CEP170B: variants seen among roughly 807,000 people sequenced by gnomAD.
CEP170B encodes the protein centrosomal protein 170B.
A neutral mutation model predicts 120.6 loss-of-function variants in CEP170B; 55 were observed. That is an observed-to-expected ratio of 0.46 (90% CI 0.37 to 0.57). The LOEUF (loss-of-function observed/expected upper bound fraction) is 0.57, where lower values mean the gene tolerates loss of function less well. Among genes scored for constraint, CEP170B ranks in the 20% least tolerant of loss-of-function variants. The probability of loss-of-function intolerance (pLI) is 0.00; values close to 1 mark genes in which losing one functional copy is unlikely to be tolerated. For synonymous variants in CEP170B, 1,033 were observed against 954.5 expected, an observed-to-expected ratio of 1.08 and a Z score of -1.52; for missense variants, 2,212 against 2,253.3, an observed-to-expected ratio of 0.98 and a Z score of 0.37.
rs540841311 is a variant in CEP170B at position 104,871,760 on chromosome 14, G to A, written c.105+3205G>A. On this transcript the variant is annotated intron_variant, in intron 2 of 18. Coordinates refer to ENST00000414716, the MANE Select transcript of CEP170B (RefSeq NM_001112726.3). ...CGGTGAGGAGGGGGAGGCTGTGGGA[G>A]GACAGAGCTGAGCTGGGGCTACGGG... Among the ~76,000 whole-genome samples the A allele has an allele frequency of 8.5e-5, 13 of 152,352 alleles. No individual in the cohort carries two copies. The East Asian group carries it at 2.5e-3, about 29-fold the overall frequency.
chr14:104,889,711 C>T lies in CEP170B; in HGVS notation c.3831C>T (p.Asp1277=), dbSNP rs1896695707. Residue 1277 remains aspartate, a synonymous_variant, in exon 13 of 19, where the codon GAC becomes GAT. Coordinates refer to ENST00000414716, the MANE Select transcript of CEP170B (RefSeq NM_001112726.3). Reference sequence around the variant, plus strand: ...CGGACGACGATGAGGAGGAGCCTGACCCTTATGGTTTCATCGTGCAGACGG... The same window carrying T: ...CGGACGACGATGAGGAGGAGCCTGATCCTTATGGTTTCATCGTGCAGACGG... ...RDTDDDEEEP[D]PYGFIVQTAE... is the part of the protein sequence containing the mutation. The T allele has an allele frequency of 6.2e-7, 1 of 1,611,196 alleles. No homozygotes were observed. Among genetic ancestry groups the T allele is most frequent in the Non-Finnish European group, 8.5e-7 (1 of 1,178,930 alleles).
chr14:104,894,177 G>T, intron 16 of CEP170B, 108 bp from the exon 17 acceptor site: 1 of 888,266 alleles, frequency 1.1e-6, no homozygotes, highest in Middle Eastern at 2.2e-4. Context: ...AGGCCCAGGT[G>T]GGCTGGGATG....
At chr14:104,872,479 G>GCGTGTGTGCCGTGTGTGTGC (rs375025948) in intron 2 of CEP170B, among the ~76,000 whole-genome samples, 12,587 of 95,558 alleles carry the variant, frequency 0.13, 2,316 homozygotes, top group African/African-American at 0.26. Flanking sequence ...CCGTGTGTGT[G>GCGTGTGTGCCGTGTGTGTGC]CGTGTGTGCC....
At chr14:104,886,174 CG>C (rs1283611642) in intron 11 of CEP170B, 44 bp downstream of exon 11, 1 of 1,490,334 alleles carries the variant, frequency 6.7e-7, no homozygotes, top group Non-Finnish European at 8.9e-7. Context: ...CAGGCCGGGG[CG>C]GGCCTCAGGC....
rs1426478616 is a variant in CEP170B, at chr14:104,870,968, C to T, written c.105+2413C>T. On this transcript the variant is annotated intron_variant, in intron 2 of 18. Coordinates refer to ENST00000414716, the MANE Select transcript of CEP170B (RefSeq NM_001112726.3). This position sits in a 1 kb window ranked among gnomAD's most constrained non-coding sequence, Gnocchi z 4.1. ...CCCTGCCGGCCTCTGTCACCCCTCA[C>T]TCCCTGTGCACCTGCCCTAGAGGCT... Among the ~76,000 whole-genome samples, 4 of 152,086 alleles carry T rather than the reference C, an allele frequency of 2.6e-5. No homozygotes were observed. The highest frequency in any genetic ancestry group is 7.2e-5 in the African/African-American group (3 of 41,390).
rs751778865 is a variant in CEP170B, at chr14:104,876,304, A to C, written c.154A>C (p.Arg52=). ...TGCCGTCATCAACTACGACCAGGAC[A>C]GGGACGAGCACTGGGTGAAGGACCT... ...QHAVINYDQD[R]DEHWVKDLGS... is the part of the protein sequence containing the mutation. The change falls in exon 3 of 19, where the codon AGG becomes CGG. Residue 52 remains arginine, a synonymous_variant. Transcript: ENST00000414716. The C allele has an allele frequency of 6.4e-7, 1 of 1,550,894 alleles. No individual in the cohort carries two copies. Among genetic ancestry groups the C allele is most frequent in the Non-Finnish European group, 8.7e-7 (1 of 1,146,818 alleles).
chr14:104,893,381 G>T, intron 14 of CEP170B, 142 bp from the exon 15 acceptor site: 1 of 1,140,670 alleles, frequency 8.8e-7, no homozygotes, highest in Non-Finnish European at 1.2e-6. Flanking sequence ...CCTCCATGGC[G>T]GGGCAGGGGC....
At chr14:104,882,134 T>G (rs1015199660) in intron 6 of CEP170B, among the ~76,000 whole-genome samples, 1 of 152,018 alleles carries the variant, frequency 6.6e-6, no homozygotes, top group African/African-American at 2.4e-5. Context: ...GCTGCCGGCT[T>G]CTCAGAGGGA....
chr14:104,887,677 C>T lies in CEP170B; in HGVS notation c.3438C>T (p.Ser1146=). Residue 1146 remains serine (S), a synonymous_variant, in exon 12 of 19, where the codon TCC becomes TCT. Transcript: ENST00000414716. Reference sequence around the variant, plus strand: ...AGGCTGCGGATGGTGAGCGGGGGTCCCTGGGCAACCCTGAGCCCGTGGGCC... The same window carrying T: ...AGGCTGCGGATGGTGAGCGGGGGTCTCTGGGCAACCCTGAGCCCGTGGGCC... ...DTEAADGERG[S]LGNPEPVGRP... 6.3e-7 allele frequency: 1 copy of T among 1,576,266 alleles called. No individual in the cohort carries two copies. Among genetic ancestry groups the T allele is most frequent in the Non-Finnish European group, 8.6e-7 (1 of 1,163,478 alleles).
intron 9 of CEP170B, 77 bp from the exon 10 acceptor site, chr14:104,885,292 G>A (rs984235265): frequency 2.1e-6 from 3 of 1,436,492 alleles, no homozygotes; most frequent in Admixed American, 5.6e-5. Context: ...TGTGGCCTGG[G>A]GGTGGCCAGT....
rs369756244 is a variant in CEP170B at position 104,883,170 on chromosome 14, A to G, written c.713A>G (p.Gln238Arg). 6.2e-7 allele frequency: 1 copy of G among 1,601,092 alleles called. No homozygotes were observed. Among genetic ancestry groups the G allele is most frequent in the Non-Finnish European group, 8.5e-7 (1 of 1,176,114 alleles). ...ACGAAGGAGACCCCGCAGCCGTCGC[A>G]GCCCCCCGAGGTGCCGGCACACGAG... ...IPTKETPQPS[Q>R]PPEVPAHEMP... The change falls in exon 8 of 19, where the codon CAG (glutamine) becomes CGG (arginine). Residue 238 changes from glutamine (Q) to arginine (R), a missense_variant. Physicochemically the swap from Gln to Arg is conservative, Grantham distance 43. Coordinates refer to ENST00000414716, the MANE Select transcript of CEP170B (RefSeq NM_001112726.3).
intron 8 of CEP170B, 42 bp downstream of exon 8, chr14:104,883,550 AGGGGACCGGACTTTGG>A (rs1394523178): frequency 6.7e-7 from 1 of 1,493,836 alleles, no homozygotes. Context: ...CGGGACAGGC[AGGGGACCGGACTTTGG>A]CTGGGTCTGC....
Position 104,868,610 on chromosome 14 carries a change from TG to T in CEP170B, c.105+57del. ...GTAGGGGGTAGACAGTCTGTCCCTG[TG>T]GAGGCCAGGAAGGTGCCCACCCCAC... On this transcript the variant is annotated intron_variant, in intron 2 of 18. Transcript: ENST00000414716. This position sits in a 1 kb window ranked among gnomAD's most constrained non-coding sequence, Gnocchi z 5.9. The T allele has an allele frequency of 6.7e-7, 1 of 1,493,426 alleles. No homozygotes were observed. The highest frequency in any genetic ancestry group is 9.0e-7 in the Non-Finnish European group (1 of 1,105,882). The allele number at this position is 1,493,426 out of a possible 1,614,324, so 92.5% of individuals were successfully genotyped here.
chr14:104,878,263 G>T (rs1895966474), intron 4 of CEP170B, among the ~76,000 whole-genome samples, 180 bp from the exon 5 acceptor site: 1 of 152,102 alleles, frequency 6.6e-6, no homozygotes, highest in Non-Finnish European at 1.5e-5. Context: ...CCGAGTCCTG[G>T]CCCGACCTTG....
rs776328662 is a variant in CEP170B at position 104,886,890 on chromosome 14, C to A, written c.2651C>A (p.Pro884His). Residue 884 changes from proline to histidine, a missense_variant, in exon 12 of 19, where the codon CCC becomes CAC. Physicochemically the swap from Pro to His is moderately conservative, Grantham distance 77. Coordinates refer to ENST00000414716, the MANE Select transcript of CEP170B (RefSeq NM_001112726.3). Reference sequence around the variant, plus strand: ...GGTCCCCCAGCGCCCGGCAAGCCCCCCCACATCTCCAGCCACCCGCTTCTA... The same window carrying A: ...GGTCCCCCAGCGCCCGGCAAGCCCCACCACATCTCCAGCCACCCGCTTCTA... ...ASGPPAPGKP[P>H]HISSHPLLQD... The A allele has an allele frequency of 2.5e-6, 4 of 1,610,518 alleles. No individual in the cohort carries two copies. The South Asian group carries it at 4.4e-5, about 18-fold the overall frequency.
intron 4 of CEP170B, 108 bp from the exon 5 acceptor site, chr14:104,878,335 T>G: frequency 8.7e-7 from 1 of 1,147,510 alleles, no homozygotes; most frequent in Non-Finnish European, 1.3e-6. Context: ...AGGCCCCTCC[T>G]CTGCCTGCCT....
chr14:104,886,233 C>T (rs1252307626), intron 11 of CEP170B, 42 bp from the exon 12 acceptor site: 2 of 1,479,090 alleles, frequency 1.4e-6, no homozygotes, highest in South Asian at 2.7e-5. Context: ...GGAGGGCCTG[C>T]AGACCAGCGG....
intron 6 of CEP170B, 59 bp downstream of exon 6, chr14:104,880,484 C>G (rs1380041732): frequency 1.3e-6 from 2 of 1,580,626 alleles, no homozygotes; most frequent in Non-Finnish European, 1.7e-6. Context: ...GCCCTCTGCC[C>G]CGCACCTGCC....
Position 104,885,538 on chromosome 14 carries a change from A to C in CEP170B, c.1940A>C (p.His647Pro). Residue 647 changes from histidine (H) to proline (P), a missense_variant, in exon 10 of 19, where the codon CAC (histidine) becomes CCC (proline). This residue lies in a region of CEP170B where 2,166 missense variants were observed against 2,166.7 expected (regional missense o/e 1.00). Coordinates refer to ENST00000414716, the MANE Select transcript of CEP170B (RefSeq NM_001112726.3). The stretch of plus-strand genomic sequence containing the variant: ...CTGGGTGCGGCCCCCCAGGCGGAGC[A>C]CCAGGTACAGGCACAGACGGCCACC... ...RPLGAAPQAE[H>P]QGLPVPGSPG... is the part of the protein sequence containing the mutation. The C allele has an allele frequency of 6.4e-7, 1 of 1,561,420 alleles. No individual in the cohort carries two copies. Among genetic ancestry groups the C allele is most frequent in the Non-Finnish European group, 8.6e-7 (1 of 1,158,320 alleles).
Sources: gnomAD v4.1 joint callset for allele counts (sites outside exome capture counted in the v4.1 genomes callset) on GRCh38, gnomAD v4.1.1 for gene constraint, gnomAD v4.1.1 regional missense constraint, Gnocchi (gnomAD v3.1) non-coding constraint, MANE v1.5 for transcripts, NCBI Gene and HGNC (gene_info 2026-07-23, HGNC 2026-07-21) for gene names.